SEC16A: variants seen among roughly 807,000 people sequenced by gnomAD.
The protein encoded by SEC16A is SEC16 homolog A, endoplasmic reticulum export factor.
A neutral mutation model predicts 221.9 loss-of-function variants in SEC16A; 110 were observed. The observed-to-expected ratio is 0.50, with a 90% confidence interval of 0.42 to 0.58. The LOEUF is 0.58. Ranked by LOEUF, SEC16A falls within the 20% of genes least tolerant of loss-of-function variation. The pLI is 0.00. For synonymous variants in SEC16A, 1,393 were observed against 1,257.7 expected, an observed-to-expected ratio of 1.11 and a Z score of -2.28; for missense variants, 3,165 against 3,097.8, an observed-to-expected ratio of 1.02 and a Z score of -0.52.
At position 136,454,085 on chromosome 9, in the gene SEC16A, G is replaced by A. The variant is rs546498354; in HGVS notation, c.6076+24C>T. ...CACACCCCATGCTGCTTCTGCTCTC[G>A]AGACAGCATCTCTGCAGCCCCACCT... On this transcript the variant is annotated intron_variant, in intron 21 of 31. Coordinates refer to ENST00000684901, the MANE Select transcript of SEC16A (RefSeq NM_014866.2). The A allele has an allele frequency of 1.2e-5, 18 of 1,541,002 alleles. No homozygotes were observed. In the Admixed American group the frequency reaches 1.2e-4, roughly 10 times the overall value.
intron 23 of SEC16A, 67 bp from the exon 24 acceptor site, chr9:136,448,228 A>G: frequency 7.2e-7 from 1 of 1,390,842 alleles, no homozygotes; most frequent in Non-Finnish European, 1.0e-6. Context: ...CAGGGCAAAA[A>G]GACAAATTCT....
intron 23 of SEC16A, among the ~76,000 whole-genome samples, chr9:136,450,325 G>A (rs1207735669): frequency 6.6e-6 from 1 of 152,038 alleles, no homozygotes; most frequent in Non-Finnish European, 1.5e-5. Flanking sequence ...ATACAGAAAG[G>A]ACTCCTGCAA....
chr9:136,466,891 G>A lies in SEC16A; in HGVS notation c.3929+66C>T, dbSNP rs899693070. The A allele has an allele frequency of 3.9e-6, 6 of 1,541,686 alleles. No individual in the cohort carries two copies. The highest frequency in any genetic ancestry group is 5.2e-6 in the Non-Finnish European group (6 of 1,143,582). ...CTCTTTGTTAAAACCCAGACATGAG[G>A]GCAGAGAAGCACTAGCGCGCCCTGG... is the stretch of plus-strand genomic sequence containing the variant. On this transcript the variant is annotated intron_variant, in intron 6 of 31. Transcript: ENST00000684901. The surrounding 1 kb of genome is among the most constrained non-coding windows in gnomAD (Gnocchi z 5.5).
chr9:136,450,922 GA>G (rs1166414750), intron 23 of SEC16A, among the ~76,000 whole-genome samples: 1 of 152,222 alleles, frequency 6.6e-6, no homozygotes, highest in African/African-American at 2.4e-5. Flanking sequence ...ACGGCTGGGA[GA>G]AAGGATCTGT....
rs371663675 is a variant in SEC16A at position 136,472,109 on chromosome 9, A to G, written c.3570T>C (p.Asp1190=). The G allele has an allele frequency of 1.9e-6, 3 of 1,613,648 alleles. No individual in the cohort carries two copies. Among genetic ancestry groups the G allele is most frequent in the Non-Finnish European group, 2.5e-6 (3 of 1,179,848 alleles). Residue 1190 remains aspartate (D), a splice_region_variant and synonymous_variant, in exon 4 of 32, where the codon GAT becomes GAC. Coordinates refer to ENST00000684901, the MANE Select transcript of SEC16A (RefSeq NM_014866.2). The part of the protein sequence containing the change: ...EPGAASLYYQ[D]VYSLYEPRYR... ...ATCGAGGCTCATAGAGGCTGTAGAC[A>G]TCCTGTGGGAGGAAGCATTTGGGCA...
intron 5 of SEC16A, 146 bp from the exon 6 acceptor site, chr9:136,467,229 A>G (rs1588968458): frequency 2.3e-6 from 2 of 887,824 alleles, no homozygotes; most frequent in African/African-American, 1.7e-5. Context: ...CCAGCACGAC[A>G]CCAGGAAGCC....
chr9:136,445,872 C>T (rs900451596), intron 28 of SEC16A, among the ~76,000 whole-genome samples, 153 bp from the exon 29 acceptor site: 33 of 152,342 alleles, frequency 2.2e-4, no homozygotes, highest in Middle Eastern at 3.4e-3. Context: ...GTGCCTCACA[C>T]GTGGGTCCAG....
intron 20 of SEC16A, 135 bp downstream of exon 20, chr9:136,455,466 C>G (rs906888190): frequency 1.2e-6 from 1 of 814,056 alleles, no homozygotes; most frequent in African/African-American, 1.7e-5. Flanking sequence ...CCACAACCAC[C>G]GAGGTGGTGT....
At chr9:136,444,874 C>A (rs1386227202) in intron 30 of SEC16A, among the ~76,000 whole-genome samples, 178 bp downstream of exon 30, 1 of 135,922 alleles carries the variant, frequency 7.4e-6, no homozygotes, top group Non-Finnish European at 1.5e-5. Flanking sequence ...AGCGAAACTC[C>A]GTCTCAAAAA....
rs547371244 is a variant in SEC16A, at chr9:136,477,596, G to A, written c.20C>T (p.Thr7Met). The A allele has an allele frequency of 1.2e-5, 20 of 1,609,412 alleles. No homozygotes were observed. In the African/African-American group the frequency reaches 1.6e-4, roughly 13 times the overall value. ...TGGCCCAGCCATGCCAGACGGGACC[G>A]TCTGGGGCGGTGGCTGCATGACTGA... MQPPPQ[T>M]VPSGMAGPPP... The change falls in exon 3 of 32, where the codon ACG (threonine) becomes ATG (methionine). Residue 7 changes from threonine to methionine, a missense_variant. Around this residue, in one of 3 missense-constraint regions of SEC16A, gnomAD observed 2,030 missense variants for 1,923.1 expected, o/e 1.06. Coordinates refer to ENST00000684901, the MANE Select transcript of SEC16A (RefSeq NM_014866.2).
Position 136,459,704 on chromosome 9 carries a change from G to GCC in SEC16A, c.5191+51_5191+52dup. The GCC allele has an allele frequency of 1.4e-6, 2 of 1,467,018 alleles. No individual in the cohort carries two copies. The highest frequency in any genetic ancestry group is 1.9e-6 in the Non-Finnish European group (2 of 1,070,212). 90.9% of individuals were successfully genotyped at this position (1,467,018 alleles called of 1,614,324 possible). A position where few individuals can be genotyped will look rare whatever the true frequency, so the allele number is the denominator to read the frequency against. On this transcript the variant is annotated intron_variant, in intron 15 of 31. Transcript: ENST00000684901. This position sits in a 1 kb window ranked among gnomAD's most constrained non-coding sequence, Gnocchi z 6.1. ...TTCTGCCAACGCCACAGACAACCGG[G>GCC]CCTTCGGCGCTCCATCCGCGACACC... is the stretch of plus-strand genomic sequence containing the variant.
intron 23 of SEC16A, among the ~76,000 whole-genome samples, chr9:136,451,009 T>G (rs1037584210): frequency 1.3e-5 from 2 of 151,980 alleles, no homozygotes; most frequent in East Asian, 3.9e-4. Flanking sequence ...GTCTGACAGG[T>G]AGTGGCCAGA....
At chr9:136,471,891 A>G in intron 4 of SEC16A, 84 bp downstream of exon 4, 3 of 1,489,552 alleles carry the variant, frequency 2.0e-6, no homozygotes, top group Non-Finnish European at 2.8e-6. Context: ...GAACTTTTTG[A>G]GTCACTAAGT....
chr9:136,475,483 C>A lies in SEC16A; in HGVS notation c.2133G>T (p.Arg711Ser), dbSNP rs762679962. The part of the protein sequence containing the change: ...YPAPEKRPSA[R>S]TQGPVKCESP... The stretch of plus-strand genomic sequence containing the variant: ...TCTCACACTTCACGGGCCCCTGGGT[C>A]CTGGCTGAAGGCCTCTTCTCGGGTG... The change falls in exon 3 of 32, where the codon AGG (arginine) becomes AGT (serine). Residue 711 changes from arginine (R) to serine (S), a missense_variant. Transcript: ENST00000684901. The surrounding 1 kb of genome is among the most constrained non-coding windows in gnomAD (Gnocchi z 5.0). The A allele has an allele frequency of 1.2e-6, 2 of 1,607,740 alleles. No individual in the cohort carries two copies. Among genetic ancestry groups the A allele is most frequent in the Admixed American group, 1.7e-5 (1 of 59,504 alleles).
intron 5 of SEC16A, 104 bp from the exon 6 acceptor site, chr9:136,467,187 ACTC>A: frequency 7.5e-7 from 1 of 1,341,794 alleles, no homozygotes; most frequent in Non-Finnish European, 1.0e-6. Context: ...TGCTCCAAGG[ACTC>A]CTCGAGAAAC....
chr9:136,454,915 A>C (rs928034221), intron 20 of SEC16A, among the ~76,000 whole-genome samples: 4 of 152,182 alleles, frequency 2.6e-5, no homozygotes, highest in African/African-American at 7.2e-5. Context: ...AGTGGGCCCA[A>C]ATCAGGAGTG....
chr9:136,479,219 G>A (rs1399632278), intron 1 of SEC16A, among the ~76,000 whole-genome samples: 1 of 152,184 alleles, frequency 6.6e-6, no homozygotes, highest in Non-Finnish European at 1.5e-5. Context: ...AAAAATTCAA[G>A]GACTATATCT....
rs1367180425 is a variant in SEC16A at position 136,466,172 on chromosome 9, C to T, written c.4129-36G>A. 2 of 1,570,228 alleles carry T rather than the reference C, an allele frequency of 1.3e-6. No homozygotes were observed. Among genetic ancestry groups the T allele is most frequent in the Non-Finnish European group, 1.7e-6 (2 of 1,155,688 alleles). On this transcript the variant is annotated intron_variant, in intron 7 of 31. Transcript: ENST00000684901. The surrounding 1 kb of genome is among the most constrained non-coding windows in gnomAD (Gnocchi z 5.5). The stretch of plus-strand genomic sequence containing the variant: ...AAAGCAAACGGGCAAAATCAATTCC[C>T]CAGGCACAGCAGTAAAACTTTAGGT...
chr9:136,476,009 G>A lies in SEC16A; in HGVS notation c.1607C>T (p.Ser536Leu), dbSNP rs775453789. Reference sequence around the variant, plus strand: ...GCCAACCAGCTCCTGGGGCCTGGCTGAGCCTGAGAGCCTTCCGTGGCTTCT... The same window carrying A: ...GCCAACCAGCTCCTGGGGCCTGGCTAAGCCTGAGAGCCTTCCGTGGCTTCT... ...SSRSHGRLSG[S>L]ARPQELVGTF... Residue 536 changes from serine to leucine, a missense_variant, in exon 3 of 32, where the codon TCA becomes TTA. By Grantham distance (145) the Ser-to-Leu change is moderately radical (BLOSUM62 -2). Coordinates refer to ENST00000684901, the MANE Select transcript of SEC16A (RefSeq NM_014866.2). 1.2e-6 allele frequency: 2 copies of A among 1,613,514 alleles called. No homozygotes were observed. Among genetic ancestry groups the A allele is most frequent in the South Asian group, 2.2e-5 (2 of 91,084 alleles).
Sources: allele counts gnomAD v4.1 joint callset (sites outside exome capture counted in the v4.1 genomes callset), GRCh38; gene constraint gnomAD v4.1.1; regional missense constraint gnomAD v4.1.1; non-coding constraint Gnocchi (gnomAD v3.1); transcripts MANE v1.5; gene names NCBI Gene and HGNC (gene_info 2026-07-23, HGNC 2026-07-21).